Variants in CNTN5 observed in about 807,000 individuals in gnomAD.
The protein encoded by CNTN5 is contactin 5, also known as contactin-5.
In CNTN5, 77 loss-of-function variants were observed where a neutral mutation model predicts 129.1. The observed-to-expected ratio is 0.60, with a 90% confidence interval of 0.50 to 0.72. The LOEUF is 0.72. CNTN5 is among the 30% of genes least tolerant of loss of function. The pLI is 0.00. For missense variants in CNTN5, 1,478 were observed against 1,328.8 expected, an observed-to-expected ratio of 1.11 and a Z score of -1.75; for synonymous variants, 509 against 465.6, an observed-to-expected ratio of 1.09 and a Z score of -1.20.
intron 2 of CNTN5, among the ~76,000 whole-genome samples, chr11:99,444,621 G>A (rs1230340510): frequency 2.6e-5 from 4 of 152,094 alleles, no homozygotes; most frequent in Admixed American, 1.3e-4. Flanking sequence ...ACTTCAGTGT[G>A]CCTATTTAAT....
At chr11:100,337,137 T>A in intron 21 of CNTN5, 1 of 1,414,504 alleles carries the variant, frequency 7.1e-7, no homozygotes. Context: ...ACAAAATAGA[T>A]GACATGACAG....
At position 99,967,122 on chromosome 11, in the gene CNTN5, C is replaced by G. The variant is rs1405194488; in HGVS notation, c.877+10113C>G. The stretch of plus-strand genomic sequence containing the variant: ...AAAGAGAGGATATTTGACTATCCAT[C>G]AAGTACAAGTATAGAATACACAGAC... On this transcript the variant is annotated intron_variant, in intron 8 of 24. Coordinates refer to ENST00000524871, the MANE Select transcript of CNTN5 (RefSeq NM_014361.4). 2.6e-5 allele frequency among the ~76,000 whole-genome samples: 4 copies of G among 152,082 alleles called. No individual in the cohort carries two copies. The East Asian group carries it at 7.7e-4, about 29-fold the overall frequency.
chr11:99,664,754 C>T (rs1300873606), intron 3 of CNTN5, among the ~76,000 whole-genome samples: 1 of 152,074 alleles, frequency 6.6e-6, no homozygotes, highest in African/African-American at 2.4e-5. Flanking sequence ...CTCAGAGATG[C>T]CACATTTTTT....
chr11:99,295,971 TC>T, intron 1 of CNTN5, among the ~76,000 whole-genome samples: 1 of 151,398 alleles, frequency 6.6e-6, no homozygotes, highest in African/African-American at 2.4e-5. Flanking sequence ...TGGGCCTTTA[TC>T]TTTTATCTAT....
intron 3 of CNTN5, among the ~76,000 whole-genome samples, chr11:99,809,743 G>A (rs1253165453): frequency 6.6e-6 from 1 of 152,110 alleles, no homozygotes; most frequent in Non-Finnish European, 1.5e-5. Flanking sequence ...CTAAAATTGG[G>A]AGGAAATACA....
At chr11:99,528,891 C>G (rs1565264035) in intron 2 of CNTN5, among the ~76,000 whole-genome samples, 1 of 124,900 alleles carries the variant, frequency 8.0e-6, no homozygotes, top group Non-Finnish European at 1.9e-5. Flanking sequence ...TGGAGAAACC[C>G]CGTTTCTACT....
At chr11:100,195,012 T>C (rs1948599742) in intron 15 of CNTN5, among the ~76,000 whole-genome samples, 1 of 152,010 alleles carries the variant, frequency 6.6e-6, no homozygotes, top group Admixed American at 6.6e-5. Flanking sequence ...ATGTAAAGTA[T>C]TTAGAGTGTG....
chr11:100,328,156 G>A (rs144147831), intron 21 of CNTN5, among the ~76,000 whole-genome samples: 2 of 151,696 alleles, frequency 1.3e-5, no homozygotes, highest in East Asian at 4.0e-4. Flanking sequence ...TCCTAGACCA[G>A]CCTAGGCAAC....
chr11:99,502,249 T>C (rs1423794548), intron 2 of CNTN5, among the ~76,000 whole-genome samples: 5 of 152,224 alleles, frequency 3.3e-5, no homozygotes, highest in African/African-American at 9.6e-5. Flanking sequence ...TCATTTGTAT[T>C]TATTTAGAAC....
chr11:100,185,269 A>G lies in CNTN5; in HGVS notation c.1581-5857A>G, dbSNP rs577505303. Among the ~76,000 whole-genome samples the G allele has an allele frequency of 8.6e-5, 13 of 151,856 alleles. No individual in the cohort carries two copies. The South Asian group carries it at 2.3e-3, about 27-fold the overall frequency. On this transcript the variant is annotated intron_variant, in intron 13 of 24. Coordinates refer to ENST00000524871, the MANE Select transcript of CNTN5 (RefSeq NM_014361.4). The stretch of plus-strand genomic sequence containing the variant: ...AATGAAGTTTTACTGGATAAGTTCT[A>G]CTCTCTCAACTTCCCTAAGTCTAAG...
rs1030213518 is a variant in CNTN5 at position 99,844,752 on chromosome 11, A to G, written c.278-100A>G. On this transcript the variant is annotated intron_variant, in intron 4 of 24. Transcript: ENST00000524871. ...GAATTTACCTGTTGATTACAAGAAA[A>G]GAGCAAGAATTTTGAATATAAGTAA... 3.9e-5 allele frequency: 46 copies of G among 1,180,020 alleles called. No individual in the cohort carries two copies. In the African/African-American group the frequency reaches 6.8e-4, roughly 17 times the overall value. 73.1% of individuals were successfully genotyped at this position (1,180,020 alleles called of 1,614,324 possible). A position where few individuals can be genotyped will look rare whatever the true frequency, so the allele number is the denominator to read the frequency against.
chr11:99,125,761 TA>T (rs1475256164), intron 1 of CNTN5, among the ~76,000 whole-genome samples: 1 of 152,168 alleles, frequency 6.6e-6, no homozygotes, highest in African/African-American at 2.4e-5. Flanking sequence ...ACCACTTGCA[TA>T]AAAAATACAT....
At chr11:99,878,007 ATTATTAC>A (rs1231783097) in intron 6 of CNTN5, among the ~76,000 whole-genome samples, 1 of 152,186 alleles carries the variant, frequency 6.6e-6, no homozygotes, top group Non-Finnish European at 1.5e-5. Flanking sequence ...GTCTGCCTTA[ATTATTAC>A]TTATTAAGAC....
At chr11:100,025,736 A>G (rs1331305592) in intron 9 of CNTN5, among the ~76,000 whole-genome samples, 1 of 152,186 alleles carries the variant, frequency 6.6e-6, no homozygotes, top group African/African-American at 2.4e-5. Flanking sequence ...TGACTGCCTC[A>G]CTGGATTTTG....
chr11:100,103,874 C>G (rs1425716063), intron 13 of CNTN5, among the ~76,000 whole-genome samples: 1 of 152,132 alleles, frequency 6.6e-6, no homozygotes, highest in Non-Finnish European at 1.5e-5. Flanking sequence ...TATTTGCCAA[C>G]ATACCCACAA....
intron 2 of CNTN5, among the ~76,000 whole-genome samples, chr11:99,435,625 T>C (rs999130353): frequency 6.6e-6 from 1 of 152,226 alleles, no homozygotes; most frequent in Non-Finnish European, 1.5e-5. Context: ...CATTACTTAC[T>C]CTGCCAAAGA....
chr11:99,990,197 G>A (rs1008443373), intron 8 of CNTN5, among the ~76,000 whole-genome samples: 8 of 152,066 alleles, frequency 5.3e-5, no homozygotes, highest in African/African-American at 1.7e-4. Flanking sequence ...TCAAATGATG[G>A]TGGAAAGACA....
intron 9 of CNTN5, among the ~76,000 whole-genome samples, chr11:100,039,969 C>A (rs190593729): frequency 1.3e-5 from 2 of 152,172 alleles, no homozygotes; most frequent in African/African-American, 2.4e-5. Flanking sequence ...TCTCTCAACT[C>A]GTCAAAGTCA....
At chr11:99,728,410 C>T (rs764975542) in intron 3 of CNTN5, among the ~76,000 whole-genome samples, 1 of 152,080 alleles carries the variant, frequency 6.6e-6, no homozygotes, top group Non-Finnish European at 1.5e-5. Context: ...AATCATTAAA[C>T]GGTAACAAAG....
Sources: allele counts gnomAD v4.1 joint callset (sites outside exome capture counted in the v4.1 genomes callset), GRCh38; gene constraint gnomAD v4.1.1; transcripts MANE v1.5; gene names NCBI Gene and HGNC (gene_info 2026-07-23, HGNC 2026-07-21).